FBN2: variants seen among roughly 807,000 people sequenced by gnomAD.
FBN2 encodes the protein fibrillin 2.
Under a neutral mutation model 355.6 loss-of-function variants are expected in FBN2, and 105 were observed. The observed-to-expected ratio is 0.30, with a 90% CI of 0.25 to 0.35. The LOEUF is 0.35. FBN2 is among the 10% of genes least tolerant of loss of function. FBN2 has a pLI of 1.00. For synonymous variants in FBN2, 1,350 were observed against 1,301.2 expected (o/e 1.04, Z -0.81); for missense variants, 3,280 against 3,758.7 (o/e 0.87, Z 3.33).
chr5:128,288,290 C>A, intron 53 of FBN2, 148 bp downstream of exon 53: 2 of 823,228 alleles, frequency 2.4e-6, no homozygotes, highest in East Asian at 2.7e-5. Context: ...AACTAAAAAC[C>A]AACCAACCAA....
At chr5:128,367,214 C>T (rs940033832) in intron 16 of FBN2, among the ~76,000 whole-genome samples, 5 of 152,056 alleles carry the variant, frequency 3.3e-5, no homozygotes, top group African/African-American at 1.2e-4. Context: ...TAGTTCTTCC[C>T]CTCCTAAAAC....
At chr5:128,453,093 T>C (rs567253096) in intron 6 of FBN2, among the ~76,000 whole-genome samples, 11 of 152,324 alleles carry the variant, frequency 7.2e-5, no homozygotes, top group African/African-American at 2.6e-4. Context: ...TTAATATGGT[T>C]TGATCCAGAA....
At chr5:128,296,180 A>G (rs956671091) in intron 48 of FBN2, among the ~76,000 whole-genome samples, 2 of 151,556 alleles carry the variant, frequency 1.3e-5, no homozygotes, top group Non-Finnish European at 3.0e-5. Context: ...CATCCCAGGG[A>G]TGAAGCCCAC....
chr5:128,488,442 A>G (rs1755401940), intron 5 of FBN2, among the ~76,000 whole-genome samples: 1 of 152,136 alleles, frequency 6.6e-6, no homozygotes, highest in South Asian at 2.1e-4. Flanking sequence ...CCTTTTAGAT[A>G]AGGCAAAATG....
In FBN2 at chr5:128,374,704, G is replaced by A; in HGVS notation, c.2019C>T (p.Cys673=). Residue 673 remains cysteine (C), a synonymous_variant, in exon 15 of 65, where the codon TGC becomes TGT. Coordinates refer to ENST00000262464, the MANE Select transcript of FBN2 (RefSeq NM_001999.4). The stretch of plus-strand genomic sequence containing the variant: ...AGCGGAAGGACCCTTCACTGTTGAT[G>A]CAGTGCCCATTCATGCAGATTCCTG... ...QTPGICMNGH[C]INSEGSFRCD... 2 of 1,613,894 alleles carry A rather than the reference G, an allele frequency of 1.2e-6. No homozygotes were observed. The highest frequency in any genetic ancestry group is 1.1e-5 in the South Asian group (1 of 91,082).
At chr5:128,439,743 A>G (rs1307342051) in intron 7 of FBN2, among the ~76,000 whole-genome samples, 1 of 151,740 alleles carries the variant, frequency 6.6e-6, no homozygotes, top group Non-Finnish European at 1.5e-5. Context: ...TATTTTATGT[A>G]ACTGAATTTA....
intron 35 of FBN2, 56 bp from the exon 36 acceptor site, chr5:128,318,327 T>A: frequency 6.3e-7 from 1 of 1,595,072 alleles, no homozygotes; most frequent in Non-Finnish European, 8.6e-7. Flanking sequence ...CTGTGCATAC[T>A]GCTGTTCCAA....
intron 8 of FBN2, among the ~76,000 whole-genome samples, chr5:128,395,818 C>T (rs1310465817): frequency 6.6e-6 from 1 of 152,176 alleles, no homozygotes; most frequent in Non-Finnish European, 1.5e-5. Context: ...AGTGCAGGAG[C>T]ATGAGCTCAG....
intron 5 of FBN2, among the ~76,000 whole-genome samples, chr5:128,468,673 T>C (rs1221756141): frequency 6.6e-6 from 1 of 152,210 alleles, no homozygotes; most frequent in East Asian, 1.9e-4. Flanking sequence ...CATTTTACAT[T>C]AAATAAACAC....
At chr5:128,345,892 T>C (rs938935919) in intron 23 of FBN2, among the ~76,000 whole-genome samples, 15 of 152,216 alleles carry the variant, frequency 9.9e-5, no homozygotes, top group African/African-American at 3.4e-4. Flanking sequence ...GGTAAGATAA[T>C]TTTAATGATA....
At chr5:128,515,163 C>A (rs1204295386) in intron 5 of FBN2, among the ~76,000 whole-genome samples, 1 of 152,252 alleles carries the variant, frequency 6.6e-6, no homozygotes, top group Non-Finnish European at 1.5e-5. Context: ...CATCTTTACA[C>A]CTGCTCTTGG....
At chr5:128,451,505 T>C (rs1754245932) in intron 6 of FBN2, among the ~76,000 whole-genome samples, 1 of 152,192 alleles carries the variant, frequency 6.6e-6, no homozygotes, top group Non-Finnish European at 1.5e-5. Flanking sequence ...GTTCAAGCGA[T>C]TGTCCTGCCT....
chr5:128,451,835 T>C (rs1754256493), intron 6 of FBN2, among the ~76,000 whole-genome samples: 1 of 152,212 alleles, frequency 6.6e-6, no homozygotes, highest in African/African-American at 2.4e-5. Flanking sequence ...ACCAAGTCTA[T>C]AAAACCTTAA....
chr5:128,330,424 A>G, intron 33 of FBN2, 149 bp downstream of exon 33: 1 of 771,432 alleles, frequency 1.3e-6, no homozygotes, highest in Non-Finnish European at 2.2e-6. Context: ...GTTTAATGTA[A>G]GAGAAAGATA....
At chr5:128,286,656 T>G in intron 55 of FBN2, 62 bp downstream of exon 55, 1 of 1,590,360 alleles carries the variant, frequency 6.3e-7, no homozygotes, top group Non-Finnish European at 8.6e-7. Context: ...GTGGGAGTAG[T>G]GCCATTAATG....
chr5:128,483,534 G>A (rs1011999293), intron 5 of FBN2, among the ~76,000 whole-genome samples: 2 of 151,796 alleles, frequency 1.3e-5, no homozygotes, highest in Admixed American at 6.6e-5. Flanking sequence ...GCAAGAGGCT[G>A]ACAGTCCCAA....
At chr5:128,537,226 G>A (rs1581379924) in intron 1 of FBN2, 124 bp downstream of exon 1, 1 of 1,451,520 alleles carries the variant, frequency 6.9e-7, no homozygotes, top group Non-Finnish European at 9.2e-7. Context: ...TTCTGGCAAA[G>A]GGGGCTGCAG....
rs773637235 is a variant in FBN2, at chr5:128,318,216, C to T, written c.4650G>A (p.Thr1550=). Residue 1550 remains threonine, a synonymous_variant, in exon 36 of 65, where the codon ACG becomes ACA. Coordinates refer to ENST00000262464, the MANE Select transcript of FBN2 (RefSeq NM_001999.4). ...INCVNGLCVN[T]PGRYECNCPP... Reference sequence around the variant, plus strand: ...GGCAGTTACACTCATAGCGACCAGGCGTGTTGACACATAGGCCATTGACAC... The same window carrying T: ...GGCAGTTACACTCATAGCGACCAGGTGTGTTGACACATAGGCCATTGACAC... 7 of 1,613,716 alleles carry T rather than the reference C, an allele frequency of 4.3e-6. No homozygotes were observed. Among genetic ancestry groups the T allele is most frequent in the African/African-American group, 1.3e-5 (1 of 74,880 alleles).
chr5:128,337,662 C>T lies in FBN2; in HGVS notation c.3598+335G>A, dbSNP rs111813430. Among the ~76,000 whole-genome samples the T allele has an allele frequency of 7.2e-5, 11 of 152,282 alleles. 1 individual carries two copies. Among genetic ancestry groups the T allele is most frequent in the Non-Finnish European group, 1.2e-4 (8 of 68,026 alleles). On this transcript the variant is annotated intron_variant, in intron 27 of 64. Transcript: ENST00000262464. ...GGAGTCTGCCGAGTGGATGGGAAGA[C>T]GCTGGGCAAAGGTGCACAACGCACA...
Sources: gnomAD v4.1 joint callset for allele counts (sites outside exome capture counted in the v4.1 genomes callset) on GRCh38, gnomAD v4.1.1 for gene constraint, MANE v1.5 for transcripts, NCBI Gene and HGNC (gene_info 2026-07-23, HGNC 2026-07-21) for gene names.